The following MARCHF8 variants were observed in gnomAD, a reference collection of about 807,000 sequenced individuals.
MARCHF8 encodes the protein E3 ubiquitin-protein ligase MARCHF8.
A neutral mutation model predicts 51.6 loss-of-function variants in MARCHF8; 40 were observed. That is an observed-to-expected ratio of 0.77 (90% CI 0.60 to 1.01). MARCHF8 has a LOEUF of 1.01. Among genes scored for constraint, MARCHF8 ranks in the 50% least tolerant of loss-of-function variants. The pLI is 0.00. For synonymous variants in MARCHF8, 263 were observed against 280.3 expected, an observed-to-expected ratio of 0.94 and a Z score of 0.62; for missense variants, 685 against 708.6, an observed-to-expected ratio of 0.97 and a Z score of 0.38.
At chr10:45,492,631 C>A (rs2043104486) in intron 2 of MARCHF8, among the ~76,000 whole-genome samples, 1 of 152,200 alleles carries the variant, frequency 6.6e-6, no homozygotes, top group African/African-American at 2.4e-5. Context: ...TTTATTTGGA[C>A]TTAAAATATA....
chr10:45,521,549 A>C (rs2043706181), intron 2 of MARCHF8, among the ~76,000 whole-genome samples: 1 of 152,234 alleles, frequency 6.6e-6, no homozygotes, highest in African/African-American at 2.4e-5. Context: ...CCTTTTGGAA[A>C]GTCTGCCTGT....
intron 2 of MARCHF8, among the ~76,000 whole-genome samples, chr10:45,511,408 G>C (rs1277217969): frequency 6.6e-6 from 1 of 151,634 alleles, no homozygotes; most frequent in Non-Finnish European, 1.5e-5. Context: ...TCTCCCCACG[G>C]CCCACGGTCT....
chr10:45,533,218 C>G lies in MARCHF8; in HGVS notation c.-7G>C. 1.9e-6 allele frequency: 3 copies of G among 1,600,894 alleles called. No individual in the cohort carries two copies. The highest frequency in any genetic ancestry group is 2.6e-6 in the Non-Finnish European group (3 of 1,175,932). The stretch of plus-strand genomic sequence containing the variant: ...GATGCAGTGGCATGCTCATCCCAAC[C>G]TCTTATCTGGTCGTCTTCTTCACAG... On this transcript the variant is annotated 5_prime_UTR_variant, in exon 2 of 8. Transcript: ENST00000453424.
chr10:45,463,042 G>T, intron 5 of MARCHF8, 109 bp downstream of exon 5: 1 of 1,373,478 alleles, frequency 7.3e-7, no homozygotes, highest in Non-Finnish European at 9.7e-7. Flanking sequence ...ACCCACAACT[G>T]GTTACAACTT....
chr10:45,508,835 T>A (rs1274118324), intron 2 of MARCHF8, among the ~76,000 whole-genome samples: 1 of 152,188 alleles, frequency 6.6e-6, no homozygotes, highest in African/African-American at 2.4e-5. Flanking sequence ...TGTTTAAAAT[T>A]TTTTTATTGA....
chr10:45,591,192 C>A (rs886701049), intron 1 of MARCHF8, among the ~76,000 whole-genome samples: 37 of 152,302 alleles, frequency 2.4e-4, no homozygotes, highest in African/African-American at 8.2e-4. Context: ...TGCCTGCACC[C>A]AGGTGAAACA....
chr10:45,538,437 T>C (rs1246071823), upstream of MARCHF8, among the ~76,000 whole-genome samples: 2 of 152,156 alleles, frequency 1.3e-5, no homozygotes, highest in African/African-American at 4.8e-5. Flanking sequence ...GCTAACATCA[T>C]AATGACAGGA....
chr10:45,469,824 C>T (rs1843105776), intron 3 of MARCHF8, among the ~76,000 whole-genome samples: 1 of 130,354 alleles, frequency 7.7e-6, no homozygotes, highest in South Asian at 2.6e-4. Context: ...GAGATCGCGC[C>T]ACTGCACTCC....
At chr10:45,515,034 C>T (rs1272766908) in intron 2 of MARCHF8, among the ~76,000 whole-genome samples, 1 of 152,190 alleles carries the variant, frequency 6.6e-6, no homozygotes, top group Non-Finnish European at 1.5e-5. Flanking sequence ...AAACAAACTG[C>T]TTCAAGGAGG....
chr10:45,579,907 G>T (rs1238575868), intron 1 of MARCHF8, among the ~76,000 whole-genome samples: 1 of 150,940 alleles, frequency 6.6e-6, no homozygotes, highest in Non-Finnish European at 1.5e-5. Context: ...CAGCTACTCG[G>T]GAGGCTGAGA....
At chr10:45,576,912 G>A (rs751454616) in intron 1 of MARCHF8, among the ~76,000 whole-genome samples, 2 of 148,676 alleles carry the variant, frequency 1.3e-5, no homozygotes, top group Non-Finnish European at 3.0e-5. Context: ...AGCTACAATT[G>A]CACCACTGCA....
At position 45,531,344 on chromosome 10, in the gene MARCHF8, T is replaced by C. The variant is rs118100160; in HGVS notation, c.102+1766A>G. Among the ~76,000 whole-genome samples, 89 of 152,210 alleles carry C rather than the reference T, an allele frequency of 5.8e-4. No individual in the cohort carries two copies. The East Asian group carries it at 0.011, about 18-fold the overall frequency. On this transcript the variant is annotated intron_variant, in intron 2 of 7. Transcript: ENST00000453424. ...AGTCATTGTCAGCCAACTCACATTATAAGAAATGCTAAAGTCCTTTAGACA... is the reference window on the plus strand; with the variant it reads ...AGTCATTGTCAGCCAACTCACATTACAAGAAATGCTAAAGTCCTTTAGACA...
chr10:45,573,505 C>G (rs1483031595), intron 1 of MARCHF8, among the ~76,000 whole-genome samples: 5 of 152,178 alleles, frequency 3.3e-5, no homozygotes, highest in Non-Finnish European at 7.3e-5. Flanking sequence ...GAAATCTGGC[C>G]ACTGGGCGAA....
chr10:45,564,333 C>A (rs35934513), intron 1 of MARCHF8, among the ~76,000 whole-genome samples: 11 of 151,938 alleles, frequency 7.2e-5, no homozygotes, highest in Non-Finnish European at 1.5e-4. Flanking sequence ...ACAGAAAAGA[C>A]TGAAAATTAA....
intron 2 of MARCHF8, among the ~76,000 whole-genome samples, chr10:45,526,090 T>C (rs1316766662): frequency 1.3e-5 from 2 of 152,150 alleles, no homozygotes; most frequent in Non-Finnish European, 2.9e-5. Flanking sequence ...TTTTAAGATG[T>C]TAATAATATG....
At chr10:45,554,349 T>C (rs2044228786) in intron 1 of MARCHF8, among the ~76,000 whole-genome samples, 1 of 152,212 alleles carries the variant, frequency 6.6e-6, no homozygotes, top group Non-Finnish European at 1.5e-5. Context: ...ACTCATAAAA[T>C]ATTTTACCTT....
intron 1 of MARCHF8, among the ~76,000 whole-genome samples, chr10:45,572,223 CT>C (rs1325480623): frequency 6.7e-6 from 1 of 148,568 alleles, no homozygotes; most frequent in Non-Finnish European, 1.5e-5. Context: ...CAAGCACCCC[CT>C]CACCCCTTCT....
At chr10:45,511,721 C>A (rs2043511238) in intron 2 of MARCHF8, among the ~76,000 whole-genome samples, 1 of 152,184 alleles carries the variant, frequency 6.6e-6, no homozygotes, top group African/African-American at 2.4e-5. Flanking sequence ...TCAATGGTGC[C>A]CAGGCTGGAG....
At chr10:45,503,625 C>T (rs1198956784) in intron 2 of MARCHF8, among the ~76,000 whole-genome samples, 1 of 151,652 alleles carries the variant, frequency 6.6e-6, no homozygotes, top group Non-Finnish European at 1.5e-5. Context: ...CTATAGGAAA[C>T]TCGTTTCATT....
Sources: gnomAD v4.1 joint callset for allele counts (sites outside exome capture counted in the v4.1 genomes callset) on GRCh38, gnomAD v4.1.1 for gene constraint, MANE v1.5 for transcripts, NCBI Gene and HGNC (gene_info 2026-07-23, HGNC 2026-07-21) for gene names.